FAM161A: variants seen among roughly 807,000 people sequenced by gnomAD.
FAM161A encodes the protein protein FAM161A.
FAM161A carries 57 observed loss-of-function variants against 70.9 expected under a neutral mutation model. That is an observed-to-expected ratio of 0.80 (90% CI 0.65 to 1.00). The LOEUF is 1.00. Ranked by LOEUF, FAM161A falls within the 50% of genes least tolerant of loss-of-function variation. The pLI is 0.00. For synonymous variants in FAM161A, 299 were observed against 295.7 expected (o/e 1.01, Z -0.12); for missense variants, 880 against 836.0 (o/e 1.05, Z -0.65).
At chr2:61,829,548 G>A (rs1320273841) in intron 5 of FAM161A, among the ~76,000 whole-genome samples, 1 of 152,152 alleles carries the variant, frequency 6.6e-6, no homozygotes, top group Non-Finnish European at 1.5e-5. Context: ...GTCTTGGGGA[G>A]CTGAAAGGAA....
the FAM161A span, among the ~76,000 whole-genome samples, chr2:61,801,343 A>G: frequency 5.9e-5 from 9 of 151,492 alleles, no homozygotes; most frequent in African/African-American, 2.2e-4. Context: ...TAAAAATGCA[A>G]AAAATTAGCT....
At chr2:61,822,098 A>G (rs187167922), downstream of FAM161A, among the ~76,000 whole-genome samples, 210 of 151,574 alleles carry the variant, frequency 1.4e-3, 1 homozygote, top group African/African-American at 4.7e-3. Context: ...CCTGATTATT[A>G]CTTCCTCCCT....
chr2:61,804,796 A>AAG, the FAM161A span, among the ~76,000 whole-genome samples: 1 of 150,482 alleles, frequency 6.6e-6, no homozygotes, highest in Non-Finnish European at 1.5e-5. Flanking sequence ...GAAAGAAAGA[A>AAG]AGAAAGAAAG....
downstream of FAM161A, chr2:61,820,598 T>C: frequency 1.4e-6 from 1 of 706,980 alleles, no homozygotes; most frequent in Non-Finnish European, 2.6e-6. Context: ...GCTAGGTAAC[T>C]GGTATTAAGG....
At chr2:61,803,269 G>A in the FAM161A span, 7 of 625,700 alleles carry the variant, frequency 1.1e-5, no homozygotes, top group East Asian at 1.6e-4. Flanking sequence ...AACTCATGCT[G>A]GTGGTGGCTT....
intron 4 of FAM161A, among the ~76,000 whole-genome samples, chr2:61,837,506 C>T (rs533207466): frequency 2.0e-5 from 3 of 152,274 alleles, no homozygotes; most frequent in Non-Finnish European, 4.4e-5. Context: ...CGGTGGCTCA[C>T]GCCTGTAATC....
At position 61,839,436 on chromosome 2, in the gene FAM161A, C is replaced by G. The variant is rs767768523; in HGVS notation, c.1568G>C (p.Arg523Pro). Residue 523 changes from arginine (R) to proline (P), a missense_variant, in exon 3 of 7, where the codon CGA becomes CCA. Physicochemically the swap from Arg to Pro is moderately radical, Grantham distance 103 (BLOSUM62 -2). Coordinates refer to ENST00000404929, the MANE Select transcript of FAM161A (RefSeq NM_001201543.2). Reference sequence around the variant, plus strand: ...ACTTACTTACCTTACGGCTTGTTCTCGTCCTCTGGAAGATACCGTGGGCAC... The same window carrying G: ...ACTTACTTACCTTACGGCTTGTTCTGGTCCTCTGGAAGATACCGTGGGCAC... ...PPVPTVSSRG[R>P]EQAVRRSLEE... is the part of the protein sequence containing the mutation. 6.2e-7 allele frequency: 1 copy of G among 1,613,984 alleles called. No homozygotes were observed. The highest frequency in any genetic ancestry group is 1.7e-5 in the Admixed American group (1 of 59,982).
intron 2 of FAM161A, among the ~76,000 whole-genome samples, chr2:61,841,403 C>T (rs1027177526): frequency 2.6e-5 from 4 of 152,160 alleles, no homozygotes; most frequent in African/African-American, 9.7e-5. Flanking sequence ...TTTCTGCTGC[C>T]TAGAAGGCCA....
chr2:61,840,414 T>C lies in FAM161A; in HGVS notation c.590A>G (p.Glu197Gly), dbSNP rs763593903. Residue 197 changes from glutamate to glycine, a missense_variant, in exon 3 of 7, where the codon GAG becomes GGG. Transcript: ENST00000404929. Reference sequence around the variant, plus strand: ...GTCTGTCCACATATTGTTGATGAGCTCCTTAGCATAGGTCATCATTCTGTT... The same window carrying C: ...GTCTGTCCACATATTGTTGATGAGCCCCTTAGCATAGGTCATCATTCTGTT... ...RKNRMMTYAK[E>G]LINNMWTDFC... 5 of 1,614,046 alleles carry C rather than the reference T, an allele frequency of 3.1e-6. No individual in the cohort carries two copies. The Admixed American group carries it at 5.0e-5, about 16-fold the overall frequency.
At chr2:61,844,719 CAA>C (rs1261084501) in intron 1 of FAM161A, among the ~76,000 whole-genome samples, 2 of 152,064 alleles carry the variant, frequency 1.3e-5, no homozygotes, top group African/African-American at 4.8e-5. Flanking sequence ...AACAAACAAA[CAA>C]AAACTCTACC....
intron 4 of FAM161A, chr2:61,836,325 C>G (rs1672773171): frequency 4.0e-6 from 2 of 501,042 alleles, no homozygotes; most frequent in South Asian, 4.5e-5. Flanking sequence ...GAATAAAATC[C>G]TAGGTTCTGA....
chr2:61,835,086 A>C (rs995886955), intron 5 of FAM161A, among the ~76,000 whole-genome samples: 3 of 152,268 alleles, frequency 2.0e-5, no homozygotes, highest in Non-Finnish European at 4.4e-5. Flanking sequence ...AGAGACTGTA[A>C]TGTGCAGATT....
At chr2:61,805,287 G>T in the FAM161A span, among the ~76,000 whole-genome samples, 1 of 152,132 alleles carries the variant, frequency 6.6e-6, no homozygotes, top group Non-Finnish European at 1.5e-5. Context: ...TTGCCAAGGT[G>T]GATGTATCAC....
chr2:61,818,424 C>T, the FAM161A span, among the ~76,000 whole-genome samples: 1 of 152,128 alleles, frequency 6.6e-6, no homozygotes, highest in East Asian at 1.9e-4. Flanking sequence ...TGGCCAATGC[C>T]AGGGCTGGGT....
the FAM161A span, chr2:61,803,239 A>T: frequency 1.6e-6 from 1 of 612,980 alleles, no homozygotes; most frequent in Admixed American, 2.0e-5. Flanking sequence ...ACTGGATGTC[A>T]TCTTTGTATT....
chr2:61,839,550 T>G lies in FAM161A; in HGVS notation c.1454A>C (p.Glu485Ala). Residue 485 changes from glutamate to alanine, a missense_variant, in exon 3 of 7, where the codon GAA (glutamate) becomes GCA (alanine). Coordinates refer to ENST00000404929, the MANE Select transcript of FAM161A (RefSeq NM_001201543.2). ...TGGAGACAAATAAGGCCAACGTGTT[T>G]CTTTTAAATTTTCTTCATCTGCTTC... ...DIEADEENLK[E>A]TRWPYLSPRR... is the part of the protein sequence containing the mutation. 6.2e-7 allele frequency: 1 copy of G among 1,614,240 alleles called. No homozygotes were observed.
the FAM161A span, among the ~76,000 whole-genome samples, chr2:61,819,435 C>G: frequency 2.0e-5 from 3 of 152,154 alleles, no homozygotes; most frequent in East Asian, 1.9e-4. Context: ...TACACTCCAG[C>G]CTGGGTGACA....
chr2:61,820,888 C>CT (rs559567926), downstream of FAM161A, among the ~76,000 whole-genome samples: 47 of 152,172 alleles, frequency 3.1e-4, no homozygotes, highest in African/African-American at 1.1e-3. Context: ...TTATATTTTT[C>CT]TTTAACATAT....
At position 61,852,601 on chromosome 2, in the gene FAM161A, C is replaced by T. The variant is rs538627227; in HGVS notation, c.183+1258G>A. Among the ~76,000 whole-genome samples, 3 of 152,292 alleles carry T rather than the reference C, an allele frequency of 2.0e-5. No individual in the cohort carries two copies. In the South Asian group the frequency reaches 6.2e-4, roughly 32 times the overall value. ...TCAATCCTTTTTCTCCATCACGTTG[C>T]CTTGTTGCCTACTGAAAATTGTGTT... On this transcript the variant is annotated intron_variant, in intron 1 of 6. Coordinates refer to ENST00000404929, the MANE Select transcript of FAM161A (RefSeq NM_001201543.2).
Sources: allele counts gnomAD v4.1 joint callset (sites outside exome capture counted in the v4.1 genomes callset), GRCh38; gene constraint gnomAD v4.1.1; transcripts MANE v1.5; gene names NCBI Gene and HGNC (gene_info 2026-07-23, HGNC 2026-07-21).